TENM4: variants seen among roughly 807,000 people sequenced by gnomAD.
TENM4 encodes teneurin transmembrane protein 4, also known as teneurin-4.
Under a neutral mutation model 243.3 loss-of-function variants are expected in TENM4, and 82 were observed. That is an observed-to-expected ratio of 0.34 (90% CI 0.28 to 0.40). TENM4 has a LOEUF of 0.40. Among genes scored for constraint, TENM4 ranks in the 10% least tolerant of loss-of-function variants. The pLI is 1.00. For missense variants in TENM4, 3,138 were observed against 3,673.3 expected (o/e 0.85, Z 3.77); for synonymous variants, 1,412 against 1,456.3 (o/e 0.97, Z 0.69).
At chr11:78,948,957 C>T (rs370605834) in intron 6 of TENM4, among the ~76,000 whole-genome samples, 40 of 152,276 alleles carry the variant, frequency 2.6e-4, no homozygotes, top group Admixed American at 9.8e-4. Context: ...CATCTTACTG[C>T]GTCATATTAG....
intron 3 of TENM4, among the ~76,000 whole-genome samples, chr11:79,154,376 G>C (rs1160526037): frequency 1.3e-5 from 2 of 152,076 alleles, no homozygotes; most frequent in African/African-American, 4.8e-5. Flanking sequence ...TTACCATGAA[G>C]AGAGCACCAA....
intron 4 of TENM4, among the ~76,000 whole-genome samples, chr11:79,086,833 C>G (rs1442838564): frequency 9.5e-5 from 5 of 52,800 alleles, no homozygotes; most frequent in African/African-American, 1.7e-4. Flanking sequence ...GACTCTGTCT[C>G]GCAAAAAAAA....
intron 2 of TENM4, among the ~76,000 whole-genome samples, chr11:79,293,031 C>T (rs1160071605): frequency 6.6e-6 from 1 of 152,156 alleles, no homozygotes; most frequent in Non-Finnish European, 1.5e-5. Context: ...ACAGGAGAAC[C>T]AGCAGTTAGG....
intron 6 of TENM4, among the ~76,000 whole-genome samples, chr11:78,931,267 A>G (rs754806134): frequency 3.3e-5 from 5 of 152,204 alleles, no homozygotes; most frequent in Non-Finnish European, 5.9e-5. Flanking sequence ...CCTCAAAGCC[A>G]GTATTTTTAA....
chr11:78,756,589 A>C, intron 19 of TENM4: 1 of 549,480 alleles, frequency 1.8e-6, no homozygotes, highest in Non-Finnish European at 3.3e-6. Flanking sequence ...GGGAGCAACA[A>C]AACTTTGCTC....
chr11:78,903,566 T>G (rs1468485198), intron 6 of TENM4, 43 bp from the exon 7 acceptor site: 4 of 1,539,936 alleles, frequency 2.6e-6, no homozygotes, highest in Middle Eastern at 3.5e-4. Context: ...AGCTTGGTGC[T>G]GCCCCTCGGC....
At chr11:79,141,398 G>A (rs1235739922) in intron 4 of TENM4, among the ~76,000 whole-genome samples, 2 of 145,536 alleles carry the variant, frequency 1.4e-5, no homozygotes, top group East Asian at 2.2e-4. Flanking sequence ...TAGAAGAAGT[G>A]GATAAATTCC....
intron 12 of TENM4, among the ~76,000 whole-genome samples, chr11:78,824,811 T>C (rs972264699): frequency 6.6e-6 from 1 of 152,292 alleles, no homozygotes; most frequent in South Asian, 2.1e-4. Flanking sequence ...TACATTTCAA[T>C]ATGAAATTTG....
At chr11:78,891,116 A>G in intron 8 of TENM4, 122 bp downstream of exon 8, 1 of 817,642 alleles carries the variant, frequency 1.2e-6, no homozygotes, top group Non-Finnish European at 2.0e-6. Flanking sequence ...GGACTTGGTG[A>G]TGAGCATGCC....
intron 12 of TENM4, among the ~76,000 whole-genome samples, chr11:78,844,972 G>A (rs1009666023): frequency 1.3e-5 from 2 of 152,110 alleles, no homozygotes; most frequent in African/African-American, 4.8e-5. Flanking sequence ...CTGGCCCCAA[G>A]TTGTTAATAA....
intron 18 of TENM4, among the ~76,000 whole-genome samples, chr11:78,759,274 CT>C (rs937566608): frequency 1.1e-4 from 16 of 152,226 alleles, no homozygotes; most frequent in Non-Finnish European, 5.9e-5. Flanking sequence ...CATGCTGCCC[CT>C]GTCAGACATT....
intron 1 of TENM4, among the ~76,000 whole-genome samples, chr11:79,385,931 A>T (rs755424058): frequency 3.3e-5 from 5 of 152,160 alleles, no homozygotes; most frequent in Non-Finnish European, 5.9e-5. Flanking sequence ...TTGTGTCTCT[A>T]TTAAACAGCA....
intron 1 of TENM4, among the ~76,000 whole-genome samples, chr11:79,424,177 G>A (rs757472626): frequency 2.0e-5 from 3 of 152,204 alleles, no homozygotes; most frequent in Admixed American, 6.5e-5. Flanking sequence ...TTTTGGCAAT[G>A]TCTGTCAACA....
At chr11:78,901,203 T>C (rs1418735534) in intron 7 of TENM4, among the ~76,000 whole-genome samples, 2 of 152,180 alleles carry the variant, frequency 1.3e-5, no homozygotes, top group East Asian at 3.9e-4. Flanking sequence ...TAATGTTATA[T>C]ATGTATATAG....
chr11:79,375,256 T>C (rs562522282), intron 1 of TENM4, among the ~76,000 whole-genome samples: 22 of 152,326 alleles, frequency 1.4e-4, no homozygotes, highest in Middle Eastern at 6.8e-3. Flanking sequence ...AGGAGCCTCA[T>C]TGATACTTTA....
intron 12 of TENM4, among the ~76,000 whole-genome samples, chr11:78,819,258 A>G (rs1857674265): frequency 6.6e-6 from 1 of 152,224 alleles, no homozygotes; most frequent in Non-Finnish European, 1.5e-5. Context: ...GTTTTCAGAA[A>G]CAAATCATTA....
intron 25 of TENM4, among the ~76,000 whole-genome samples, chr11:78,718,033 G>C: frequency 6.6e-6 from 1 of 152,198 alleles, no homozygotes; most frequent in Non-Finnish European, 1.5e-5. Flanking sequence ...GTCTGCTCCG[G>C]GGAAGCACAC....
At chr11:79,054,576 G>A (rs895779305) in intron 6 of TENM4, among the ~76,000 whole-genome samples, 21 of 151,102 alleles carry the variant, frequency 1.4e-4, no homozygotes, top group Middle Eastern at 3.2e-3. Flanking sequence ...ATAGCTCACT[G>A]CAGCCTCGAT....
intron 1 of TENM4, among the ~76,000 whole-genome samples, chr11:79,374,369 A>T (rs984151506): frequency 6.6e-6 from 1 of 152,132 alleles, no homozygotes; most frequent in African/African-American, 2.4e-5. Context: ...GCACACACCC[A>T]CACATCGACA....
Sources: gnomAD v4.1 joint callset for allele counts (sites outside exome capture counted in the v4.1 genomes callset) on GRCh38, gnomAD v4.1.1 for gene constraint, MANE v1.5 for transcripts, NCBI Gene and HGNC (gene_info 2026-07-23, HGNC 2026-07-21) for gene names.